The following NFYC variants were observed in gnomAD, a reference collection of about 807,000 sequenced individuals.
The protein encoded by NFYC is CAAT box DNA-binding protein subunit C.
Under a neutral mutation model 53.1 loss-of-function variants are expected in NFYC, and 25 were observed. The ratio of observed to expected loss-of-function variants is 0.47; its 90% CI spans 0.34 to 0.66. The LOEUF (loss-of-function observed/expected upper bound fraction) is 0.66. Ranked by LOEUF, NFYC falls within the 30% of genes least tolerant of loss-of-function variation. The pLI is 0.01. For synonymous variants in NFYC, 145 were observed against 152.6 expected, an observed-to-expected ratio of 0.95 and a Z score of 0.37; for missense variants, 260 against 422.7, an observed-to-expected ratio of 0.62 and a Z score of 3.38.
intron 1 of NFYC, among the ~76,000 whole-genome samples, chr1:40,705,386 T>A (rs560598280): frequency 7.6e-4 from 110 of 145,100 alleles, no homozygotes; most frequent in African/African-American, 2.7e-3. Context: ...AGATAAGGCC[T>A]GTTGGCCTTC....
At chr1:40,708,932 A>T (rs1643846713) in intron 1 of NFYC, among the ~76,000 whole-genome samples, 1 of 152,260 alleles carries the variant, frequency 6.6e-6, no homozygotes, top group African/African-American at 2.4e-5. Context: ...TTTGATGGCC[A>T]ATCAGAAGCA....
chr1:40,713,429 T>C (rs1272641675), intron 1 of NFYC, among the ~76,000 whole-genome samples: 1 of 152,226 alleles, frequency 6.6e-6, no homozygotes, highest in East Asian at 1.9e-4. Flanking sequence ...TGGGCTTTTG[T>C]TTTTAAAACA....
chr1:40,722,833 C>T (rs566627983), intron 1 of NFYC, among the ~76,000 whole-genome samples: 63 of 152,114 alleles, frequency 4.1e-4, no homozygotes, highest in African/African-American at 7.0e-4. Context: ...CCCAACTGTT[C>T]GCAGCTGAGT....
At position 40,709,339 on chromosome 1, in the gene NFYC, T is replaced by TA. The variant is rs1557751261; in HGVS notation, c.-9+17475dup. On this transcript the variant is annotated intron_variant, in intron 1 of 9. Coordinates refer to ENST00000447388, the MANE Select transcript of NFYC (RefSeq NM_014223.5). ...TGCTAGATTGAATGCCTTTGACTGT[T>TA]AAAGTGGAAGGAGGCTGCAGGGCTT... 3 of 152,336 alleles carry TA rather than the reference T, an allele frequency of 2.0e-5. No individual in the cohort carries two copies. In the East Asian group the frequency reaches 5.8e-4, roughly 29 times the overall value. 9.4% of individuals were successfully genotyped at this position (152,336 alleles called of 1,614,324 possible). A position where few individuals can be genotyped will look rare whatever the true frequency, so the allele number is the denominator to read the frequency against.
At chr1:40,764,614 A>C (rs1646724985) in intron 7 of NFYC, among the ~76,000 whole-genome samples, 1 of 152,202 alleles carries the variant, frequency 6.6e-6, no homozygotes, top group African/African-American at 2.4e-5. Context: ...TTTGTTGCAG[A>C]ATTCACTACT....
intron 1 of NFYC, among the ~76,000 whole-genome samples, chr1:40,730,974 G>T (rs112015816): frequency 0.018 from 2,786 of 151,938 alleles, 38 homozygotes; most frequent in Non-Finnish European, 0.024. Context: ...CGTCTGTTTG[G>T]TTTTTTTTCC....
intron 2 of NFYC, among the ~76,000 whole-genome samples, chr1:40,746,585 A>G (rs542707957): frequency 2.0e-4 from 31 of 152,318 alleles, no homozygotes; most frequent in African/African-American, 7.5e-4. Context: ...TATAGAATCA[A>G]TCATTTGACA....
chr1:40,707,186 A>AT (rs547256459), intron 1 of NFYC, among the ~76,000 whole-genome samples: 1 of 150,300 alleles, frequency 6.7e-6, no homozygotes, highest in Non-Finnish European at 1.5e-5. Context: ...AAAAAAGAAA[A>AT]TTTTTTTATA....
In NFYC at chr1:40,736,820, CAAAAAAAAAA is replaced by C. The variant is rs71060396; in HGVS notation, c.-8-2001_-8-1992del. ...CAGTAAGTATAATGCAAACTTATTC[CAAAAAAAAAA>C]AAAAAAAAAAAAAAGGCTGGGCGCG... On this transcript the variant is annotated intron_variant, in intron 1 of 9. Transcript: ENST00000447388. 1.9e-4 allele frequency among the ~76,000 whole-genome samples: 12 copies of C among 63,688 alleles called. 1 individual carries two copies. The highest frequency in any genetic ancestry group is 6.2e-4 in the Admixed American group (3 of 4,822). 41.8% of individuals were successfully genotyped at this position (63,688 alleles called of 152,430 possible).
intron 1 of NFYC, among the ~76,000 whole-genome samples, chr1:40,716,167 A>G (rs1644128432): frequency 6.6e-6 from 1 of 152,242 alleles, no homozygotes; most frequent in South Asian, 2.1e-4. Flanking sequence ...GACTTTAAAA[A>G]TGTATACAAA....
At chr1:40,718,179 A>G (rs1644206185) in intron 1 of NFYC, among the ~76,000 whole-genome samples, 1 of 152,190 alleles carries the variant, frequency 6.6e-6, no homozygotes, top group Non-Finnish European at 1.5e-5. Flanking sequence ...ATGTAATAGA[A>G]TGCAGTGTTT....
At chr1:40,730,138 G>A (rs767881311) in intron 1 of NFYC, among the ~76,000 whole-genome samples, 1 of 151,188 alleles carries the variant, frequency 6.6e-6, no homozygotes, top group Non-Finnish European at 1.5e-5. Context: ...AGCCTTCTGA[G>A]TAGCTAGGAC....
intron 1 of NFYC, among the ~76,000 whole-genome samples, chr1:40,728,120 G>A (rs183627743): frequency 1.3e-5 from 2 of 151,780 alleles, no homozygotes; most frequent in Non-Finnish European, 2.9e-5. Flanking sequence ...CATTATGTTG[G>A]CCAGGATGGT....
At position 40,712,430 on chromosome 1, in the gene NFYC, C is replaced by T. The variant is rs1487066751; in HGVS notation, c.-9+20563C>T. 1.2e-4 allele frequency: 18 copies of T among 152,204 alleles called. No individual in the cohort carries two copies. In the East Asian group the frequency reaches 3.1e-3, roughly 26 times the overall value. The allele number at this position is 152,204 out of a possible 1,614,324, so 9.4% of individuals were successfully genotyped here. ...AACCTCTCAGAATAAAATCTGGAAG[C>T]CTGTTCCATTTGCATTATGAGATTT... On this transcript the variant is annotated intron_variant, in intron 1 of 9. Coordinates refer to ENST00000447388, the MANE Select transcript of NFYC (RefSeq NM_014223.5).
chr1:40,724,095 C>G (rs556210042), intron 1 of NFYC, among the ~76,000 whole-genome samples: 19 of 152,274 alleles, frequency 1.2e-4, no homozygotes, highest in Non-Finnish European at 2.1e-4. Flanking sequence ...AGGGGCTGGA[C>G]ATGGTGGCTC....
rs1316185666 is a variant in NFYC at position 40,696,108 on chromosome 1, C to T, written c.-9+4241C>T. Among the ~76,000 whole-genome samples, 6 of 151,694 alleles carry T rather than the reference C, an allele frequency of 4.0e-5. No homozygotes were observed. In the East Asian group the frequency reaches 9.7e-4, roughly 24 times the overall value. On this transcript the variant is annotated intron_variant, in intron 1 of 9. Transcript: ENST00000447388. ...GCGCGATCTTGGCTCACTGCAACCT[C>T]TGCCTCCCAGGTTCAAGCGATTCTC...
At chr1:40,744,642 C>G (rs1446875670) in intron 2 of NFYC, among the ~76,000 whole-genome samples, 1 of 152,182 alleles carries the variant, frequency 6.6e-6, no homozygotes, top group African/African-American at 2.4e-5. Context: ...TGGTCAGGAG[C>G]ATGAGAATGT....
intron 1 of NFYC, among the ~76,000 whole-genome samples, chr1:40,710,733 G>C (rs150033661): frequency 6.6e-6 from 1 of 152,238 alleles, no homozygotes; most frequent in Non-Finnish European, 1.5e-5. Context: ...CTCTAATAAA[G>C]GATTTACCTT....
At chr1:40,707,113 C>T (rs751925899) in intron 1 of NFYC, among the ~76,000 whole-genome samples, 2 of 150,758 alleles carry the variant, frequency 1.3e-5, no homozygotes, top group Non-Finnish European at 3.0e-5. Context: ...GAGGTTGCTG[C>T]GAGCTGAGAT....
Sources: gnomAD v4.1 joint callset for allele counts (sites outside exome capture counted in the v4.1 genomes callset) on GRCh38, gnomAD v4.1.1 for gene constraint, MANE v1.5 for transcripts, NCBI Gene and HGNC (gene_info 2026-07-23, HGNC 2026-07-21) for gene names.